PVALEF: variants seen among roughly 807,000 people sequenced by gnomAD.
The protein encoded by PVALEF is parvalbumin-like EF-hand-containing protein.
A neutral mutation model predicts 1.2 loss-of-function variants in PVALEF; 2 were observed. The observed-to-expected ratio is 1.68, with a 90% CI of 0.69 to 5.28. PVALEF has a LOEUF of 5.28. PVALEF is among the 30% of genes most tolerant of loss of function. PVALEF has a pLI of 0.06. For synonymous variants in PVALEF, 16 were observed against 6.5 expected, an observed-to-expected ratio of 2.47 and a Z score of -2.24; for missense variants, 35 against 17.7, an observed-to-expected ratio of 1.97 and a Z score of -1.75.
In PVALEF at chr17:81,165,938, C is replaced by T. The variant is rs868164802; in HGVS notation, c.-508+191C>T. ...GCAGGCCGGGCCGCCAGGGACTCAC[C>T]GGGGTCGAAGTGCGAGCTGAAGGCG... On this transcript the variant is annotated intron_variant, in intron 1 of 6. Coordinates refer to ENST00000637878, the MANE Select transcript of PVALEF (RefSeq NM_001354639.2). 4 of 1,580,202 alleles carry T rather than the reference C, an allele frequency of 2.5e-6. No individual in the cohort carries two copies. Among genetic ancestry groups the T allele is most frequent in the African/African-American group, 1.4e-5 (1 of 73,952 alleles).
chr17:81,170,859 C>T lies in PVALEF; in HGVS notation c.-340+4015C>T, dbSNP rs1363090210. On this transcript the variant is annotated intron_variant, in intron 2 of 6. Coordinates refer to ENST00000637878, the MANE Select transcript of PVALEF (RefSeq NM_001354639.2). ...CCCTCTTAGAGGCATCTCTAGGGTG[C>T]TTGGGCCCCTCCAGCCCCAGCCCCA... 2.6e-5 allele frequency among the ~76,000 whole-genome samples: 4 copies of T among 152,124 alleles called. No homozygotes were observed. The East Asian group carries it at 7.7e-4, about 29-fold the overall frequency.
chr17:81,179,956 C>T (rs2061548121), intron 3 of PVALEF, among the ~76,000 whole-genome samples: 1 of 152,178 alleles, frequency 6.6e-6, no homozygotes, highest in South Asian at 2.1e-4. Flanking sequence ...AGAATCTGAG[C>T]AGGGCCCAAG....
chr17:81,173,013 T>G (rs1362198408), intron 2 of PVALEF, among the ~76,000 whole-genome samples: 3 of 152,100 alleles, frequency 2.0e-5, no homozygotes, highest in Admixed American at 2.0e-4. Flanking sequence ...TATTGGGGTA[T>G]CAGGAAACAA....
chr17:81,171,658 A>AT (rs1167345520), intron 2 of PVALEF, among the ~76,000 whole-genome samples: 2 of 151,692 alleles, frequency 1.3e-5, no homozygotes, highest in East Asian at 1.9e-4. Flanking sequence ...CACCCGGCTA[A>AT]TTTTTTTGTA....
chr17:81,174,276 T>A (rs2061529711), intron 2 of PVALEF, among the ~76,000 whole-genome samples: 1 of 152,156 alleles, frequency 6.6e-6, no homozygotes, highest in African/African-American at 2.4e-5. Context: ...AACATAGTAC[T>A]AGAGTTTCCA....
Position 81,165,699 on chromosome 17 carries a change from C to G in PVALEF, c.-556C>G. ...CCAGTTACCTGTGCCCTGGAGGCAGCCACGGAGTCACGACCACGCGGGGGA... is the reference window on the plus strand; with the variant it reads ...CCAGTTACCTGTGCCCTGGAGGCAGGCACGGAGTCACGACCACGCGGGGGA... On this transcript the variant is annotated 5_prime_UTR_variant, in exon 1 of 7. Transcript: ENST00000637878. 1 of 1,516,102 alleles carries G rather than the reference C, an allele frequency of 6.6e-7. No individual in the cohort carries two copies. Among genetic ancestry groups the G allele is most frequent in the Non-Finnish European group, 8.8e-7 (1 of 1,134,032 alleles). 93.9% of individuals were successfully genotyped at this position (1,516,102 alleles called of 1,614,324 possible).
chr17:81,169,474 T>C (rs1387860321), intron 2 of PVALEF, among the ~76,000 whole-genome samples: 3 of 152,178 alleles, frequency 2.0e-5, no homozygotes, highest in Admixed American at 6.5e-5. Flanking sequence ...GGCAGGCGCC[T>C]GTAATCCCAG....
At chr17:81,168,132 G>A (rs1425922162) in intron 2 of PVALEF, among the ~76,000 whole-genome samples, 1 of 152,348 alleles carries the variant, frequency 6.6e-6, no homozygotes, top group South Asian at 2.1e-4. Flanking sequence ...ACCTAGGCAG[G>A]GGGAGGTGGC....
chr17:81,178,962 A>C lies in PVALEF; in HGVS notation c.-295A>C. 1 of 399,010 alleles carries C rather than the reference A, an allele frequency of 2.5e-6. No individual in the cohort carries two copies. The allele number at this position is 399,010 out of a possible 1,614,324, so 24.7% of individuals were successfully genotyped here. On this transcript the variant is annotated 5_prime_UTR_variant, in exon 3 of 7. Transcript: ENST00000637878. ...TGCTAAGGGTCAGTCTGCCCAGACCAGTGTGGACACACCAAGTGCCTGCGA... is the reference window on the plus strand; with the variant it reads ...TGCTAAGGGTCAGTCTGCCCAGACCCGTGTGGACACACCAAGTGCCTGCGA...
intron 2 of PVALEF, among the ~76,000 whole-genome samples, chr17:81,171,362 C>T (rs1402679886): frequency 6.6e-6 from 1 of 152,208 alleles, no homozygotes; most frequent in Non-Finnish European, 1.5e-5. Flanking sequence ...GATCCCACGC[C>T]AGGCTCCCCA....
chr17:81,180,292 G>T (rs1379493624), intron 3 of PVALEF, among the ~76,000 whole-genome samples: 1 of 152,212 alleles, frequency 6.6e-6, no homozygotes, highest in African/African-American at 2.4e-5. Flanking sequence ...TAAAGGAGGT[G>T]ACATTGGGCC....
intron 2 of PVALEF, among the ~76,000 whole-genome samples, chr17:81,169,916 TTG>T (rs754093684): frequency 1.3e-4 from 19 of 151,324 alleles, no homozygotes; most frequent in Admixed American, 7.9e-4. Context: ...GTGTATCGGT[TTG>T]TGTGTGCATG....
intron 2 of PVALEF, among the ~76,000 whole-genome samples, chr17:81,174,926 G>T (rs1262008157): frequency 4.9e-5 from 7 of 144,078 alleles, no homozygotes; most frequent in African/African-American, 1.5e-4. Context: ...TCCAGCCTGG[G>T]TGACAGAGTG....
chr17:81,166,107 C>CCCCGCG, intron 1 of PVALEF: 1 of 537,500 alleles, frequency 1.9e-6, no homozygotes, highest in Non-Finnish European at 2.4e-6. Flanking sequence ...AGCGCGCCGG[C>CCCCGCG]CCCCGCGCCC....
At chr17:81,175,142 T>G (rs2061532665) in intron 2 of PVALEF, among the ~76,000 whole-genome samples, 1 of 152,192 alleles carries the variant, frequency 6.6e-6, no homozygotes, top group African/African-American at 2.4e-5. Flanking sequence ...TTATCCAATT[T>G]GTCCAAAAAA....
chr17:81,172,181 T>C (rs1026094928), intron 2 of PVALEF, among the ~76,000 whole-genome samples: 13 of 152,202 alleles, frequency 8.5e-5, no homozygotes, highest in Non-Finnish European at 1.9e-4. Flanking sequence ...AGTGTGTTTA[T>C]CCGGCCACAC....
At chr17:81,177,317 G>A (rs1323510706) in intron 2 of PVALEF, among the ~76,000 whole-genome samples, 3 of 150,938 alleles carry the variant, frequency 2.0e-5, no homozygotes, top group Admixed American at 6.6e-5. Context: ...GGAGGCTGAG[G>A]CAGGCAGATC....
intron 2 of PVALEF, among the ~76,000 whole-genome samples, chr17:81,175,808 G>GT (rs1373974801): frequency 3.3e-5 from 5 of 152,162 alleles, no homozygotes; most frequent in African/African-American, 1.2e-4. Context: ...AGACCTAAAT[G>GT]TAAAACATGA....
At chr17:81,171,105 G>A (rs1010017548) in intron 2 of PVALEF, among the ~76,000 whole-genome samples, 4 of 152,236 alleles carry the variant, frequency 2.6e-5, no homozygotes, top group Non-Finnish European at 5.9e-5. Flanking sequence ...TGTCTAGTGC[G>A]GGGACAAGGG....
Sources: gnomAD v4.1 joint callset for allele counts (sites outside exome capture counted in the v4.1 genomes callset) on GRCh38, gnomAD v4.1.1 for gene constraint, MANE v1.5 for transcripts, NCBI Gene and HGNC (gene_info 2026-07-23, HGNC 2026-07-21) for gene names.